The following NELL2 variants were observed in gnomAD, a reference collection of about 807,000 sequenced individuals.
The protein encoded by NELL2 is protein kinase C-binding protein NELL2.
Under a neutral mutation model 109.6 loss-of-function variants are expected in NELL2, and 41 were observed. The observed-to-expected ratio is 0.37, with a 90% CI of 0.29 to 0.49. NELL2 has a LOEUF of 0.49. Ranked by LOEUF, NELL2 falls within the 20% of genes least tolerant of loss-of-function variation. The pLI is 0.98. For missense variants in NELL2, 900 were observed against 1,008.3 expected, an observed-to-expected ratio of 0.89 and a Z score of 1.45; for synonymous variants, 355 against 344.7, an observed-to-expected ratio of 1.03 and a Z score of -0.33.
In NELL2 at chr12:44,809,384, C is replaced by T. The variant is rs552025263; in HGVS notation, c.335+6602G>A. Among the ~76,000 whole-genome samples, 7 of 152,034 alleles carry T rather than the reference C, an allele frequency of 4.6e-5. 1 individual carries two copies. In the South Asian group the frequency reaches 6.2e-4, roughly 14 times the overall value. The stretch of plus-strand genomic sequence containing the variant: ...ATTTCTCTATTCTCTATTTACCTTT[C>T]GAAACACAATAGTCAGAAAACTATA... On this transcript the variant is annotated intron_variant, in intron 3 of 19. Coordinates refer to ENST00000429094, the MANE Select transcript of NELL2 (RefSeq NM_001145108.2).
chr12:44,816,965 A>G (rs759649267), intron 2 of NELL2, among the ~76,000 whole-genome samples: 3 of 152,266 alleles, frequency 2.0e-5, no homozygotes, highest in Non-Finnish European at 4.4e-5. Flanking sequence ...TCCTATTCAC[A>G]GTGTACGCAA....
At chr12:44,899,392 A>C (rs1048175601) in intron 1 of NELL2, among the ~76,000 whole-genome samples, 2 of 152,212 alleles carry the variant, frequency 1.3e-5, no homozygotes, top group South Asian at 2.1e-4. Flanking sequence ...AAAGGGAAGC[A>C]CATCAGACAT....
In NELL2 at chr12:44,875,858, C is replaced by G. The variant is rs1309020904; in HGVS notation, c.12G>C (p.Arg4=). The change falls in exon 1 of 20, where the codon CGG becomes CGC. Residue 4 remains arginine, a synonymous_variant. Transcript: ENST00000429094. ...TCAAACAGAATGTTCTCAGTAAGAC[C>G]CGAGACTCCATGGTGCGGATCAGCT... is the stretch of plus-strand genomic sequence containing the variant. MES[R]VLLRTFCLIF... 1 of 1,614,014 alleles carries G rather than the reference C, an allele frequency of 6.2e-7. No homozygotes were observed. Among genetic ancestry groups the G allele is most frequent in the Admixed American group, 1.7e-5 (1 of 60,028 alleles).
upstream of NELL2, chr12:44,876,440 C>G: frequency 3.9e-6 from 5 of 1,292,892 alleles, no homozygotes; most frequent in Non-Finnish European, 4.9e-6. Flanking sequence ...GCGTCGGTCT[C>G]CCGCACGGTC....
At chr12:44,876,758 C>T (rs1436626718), upstream of NELL2, 2 of 1,493,480 alleles carry the variant, frequency 1.3e-6, no homozygotes, top group East Asian at 2.5e-5. Flanking sequence ...GGAGCAGCCC[C>T]GGGGTGCAGG....
chr12:44,818,316 TA>T (rs1279924413), intron 2 of NELL2, among the ~76,000 whole-genome samples: 5 of 152,234 alleles, frequency 3.3e-5, no homozygotes, highest in Non-Finnish European at 7.3e-5. Context: ...ATTTAATAGA[TA>T]AAAGCAAACT....
chr12:44,536,393 C>A (rs1025828216), intron 15 of NELL2, among the ~76,000 whole-genome samples: 1 of 151,852 alleles, frequency 6.6e-6, no homozygotes, highest in African/African-American at 2.4e-5. Context: ...TGTAATAACA[C>A]AAAGCAGTAA....
chr12:44,852,055 T>C (rs1944550031), intron 2 of NELL2, among the ~76,000 whole-genome samples: 1 of 152,214 alleles, frequency 6.6e-6, no homozygotes, highest in Admixed American at 6.5e-5. Flanking sequence ...TATTGTTCCC[T>C]CTTGTATTTT....
At chr12:44,772,616 A>C (rs542091061) in intron 9 of NELL2, among the ~76,000 whole-genome samples, 1 of 152,352 alleles carries the variant, frequency 6.6e-6, no homozygotes, top group Admixed American at 6.5e-5. Context: ...TAAAATGTTA[A>C]ATTCATTAAA....
intron 8 of NELL2, among the ~76,000 whole-genome samples, chr12:44,775,414 C>A (rs118076670): frequency 0.017 from 2,597 of 152,262 alleles, 31 homozygotes; most frequent in Middle Eastern, 0.051. Flanking sequence ...CAGATGAGTT[C>A]ATGTGTAATT....
At chr12:44,643,747 G>A (rs780768136) in intron 13 of NELL2, among the ~76,000 whole-genome samples, 1 of 152,060 alleles carries the variant, frequency 6.6e-6, no homozygotes, top group Non-Finnish European at 1.5e-5. Context: ...ATGTGTATTT[G>A]GTTTCCCCTG....
At chr12:44,711,543 T>C (rs987495734) in intron 10 of NELL2, 149 bp from the exon 11 acceptor site, 11 of 594,970 alleles carry the variant, frequency 1.8e-5, no homozygotes, top group Non-Finnish European at 3.3e-5. Flanking sequence ...ACTCCCAAAA[T>C]GACATTAAAT....
chr12:44,746,384 A>C lies in NELL2; in HGVS notation c.994+28363T>G, dbSNP rs1341941275. ...AGGCAATACCATTCAGGACATAGGC[A>C]TGGGCAAGTACTTCATGTCTAAAAC... On this transcript the variant is annotated intron_variant, in intron 9 of 19. Transcript: ENST00000429094. 7.2e-5 allele frequency among the ~76,000 whole-genome samples: 11 copies of C among 152,284 alleles called. No homozygotes were observed. In the East Asian group the frequency reaches 1.9e-3, roughly 27 times the overall value.
At chr12:44,655,895 T>G (rs1163977096) in intron 13 of NELL2, among the ~76,000 whole-genome samples, 3 of 152,230 alleles carry the variant, frequency 2.0e-5, no homozygotes, top group Non-Finnish European at 4.4e-5. Context: ...AGTTGTCTGA[T>G]TTTCAAGTTT....
chr12:44,836,469 T>C (rs1944058047), intron 2 of NELL2, among the ~76,000 whole-genome samples: 1 of 152,092 alleles, frequency 6.6e-6, no homozygotes, highest in African/African-American at 2.4e-5. Flanking sequence ...AAAAAGCACC[T>C]GCAAAAGAAA....
chr12:44,814,745 G>A (rs1349159971), intron 3 of NELL2, among the ~76,000 whole-genome samples: 2 of 152,176 alleles, frequency 1.3e-5, no homozygotes, highest in African/African-American at 4.8e-5. Context: ...GAGATAGTAT[G>A]TCCCTAGGAA....
intron 2 of NELL2, among the ~76,000 whole-genome samples, chr12:44,818,880 C>A (rs1323290934): frequency 6.6e-6 from 1 of 150,498 alleles, no homozygotes; most frequent in Non-Finnish European, 1.5e-5. Context: ...GTAGCTGGGA[C>A]TACAGGCGCC....
At chr12:44,704,331 A>G (rs945783987) in intron 11 of NELL2, among the ~76,000 whole-genome samples, 3 of 134,358 alleles carry the variant, frequency 2.2e-5, no homozygotes, top group Admixed American at 7.8e-5. Context: ...AAAAAACAAA[A>G]CCTTTCTAAA....
At chr12:44,709,883 C>T (rs1456377177) in intron 11 of NELL2, among the ~76,000 whole-genome samples, 1 of 152,188 alleles carries the variant, frequency 6.6e-6, no homozygotes, top group African/African-American at 2.4e-5. Context: ...TGATTCATAT[C>T]AAATTGCACA....
Sources: allele counts gnomAD v4.1 joint callset (sites outside exome capture counted in the v4.1 genomes callset), GRCh38; gene constraint gnomAD v4.1.1; transcripts MANE v1.5; gene names NCBI Gene and HGNC (gene_info 2026-07-23, HGNC 2026-07-21).